The following AARS1 variants were observed in gnomAD, a reference collection of about 807,000 sequenced individuals.
The protein encoded by AARS1 is alanine--tRNA ligase, cytoplasmic.
In AARS1, 72 loss-of-function variants were observed where a neutral mutation model predicts 108.9. The observed-to-expected ratio is 0.66, with a 90% CI of 0.55 to 0.80. The LOEUF is 0.80. Among genes scored for constraint, AARS1 ranks in the 30% least tolerant of loss-of-function variants. The pLI, the probability that AARS1 is intolerant of heterozygous loss-of-function variation, is 0.00. For synonymous variants in AARS1, 489 were observed against 465.7 expected (o/e 1.05, Z -0.64); for missense variants, 1,193 against 1,233.2 (o/e 0.97, Z 0.49).
At chr16:70,286,521 C>T (rs1250765015) in intron 1 of AARS1, among the ~76,000 whole-genome samples, 2 of 152,028 alleles carry the variant, frequency 1.3e-5, no homozygotes, top group African/African-American at 4.8e-5. Flanking sequence ...CCACCAAACC[C>T]GACTAATTTT....
intron 11 of AARS1, among the ~76,000 whole-genome samples, chr16:70,262,984 A>AAAAAAAC (rs1960175401): frequency 1.4e-5 from 2 of 146,238 alleles, no homozygotes; most frequent in Non-Finnish European, 3.0e-5. Context: ...AAAAAAAAAA[A>AAAAAAAC]AAAAAAAAAA....
At chr16:70,256,710 G>C (rs1158027174) in intron 15 of AARS1, among the ~76,000 whole-genome samples, 3 of 152,090 alleles carry the variant, frequency 2.0e-5, no homozygotes, top group African/African-American at 7.2e-5. Flanking sequence ...GGGCAGAAAA[G>C]CCTTGAACTC....
At chr16:70,277,582 A>C (rs1479143939) in intron 2 of AARS1, among the ~76,000 whole-genome samples, 1 of 152,220 alleles carries the variant, frequency 6.6e-6, no homozygotes, top group Non-Finnish European at 1.5e-5. Flanking sequence ...TATTAAGGGA[A>C]TAATATCAGC....
At chr16:70,280,638 C>CCA (rs1252127980) in intron 2 of AARS1, among the ~76,000 whole-genome samples, 1 of 152,098 alleles carries the variant, frequency 6.6e-6, no homozygotes, top group African/African-American at 2.4e-5. Flanking sequence ...TCCAAGAGAA[C>CCA]CATCACAGGA....
chr16:70,260,079 G>A (rs1327422770), intron 13 of AARS1, among the ~76,000 whole-genome samples: 2 of 152,186 alleles, frequency 1.3e-5, no homozygotes, highest in Admixed American at 6.5e-5. Flanking sequence ...GCCATAAACA[G>A]GTTTATTGGA....
chr16:70,260,582 T>C (rs1318334883), intron 13 of AARS1, among the ~76,000 whole-genome samples: 1 of 152,224 alleles, frequency 6.6e-6, no homozygotes. Context: ...AGATTAACTC[T>C]TAGTTGCATC....
intron 4 of AARS1, among the ~76,000 whole-genome samples, chr16:70,274,734 G>C (rs144216759): frequency 6.6e-6 from 1 of 150,872 alleles, no homozygotes; most frequent in South Asian, 2.1e-4. Context: ...CGGCGGGGGT[G>C]GGGGAGTGGA....
chr16:70,289,498 C>A lies in AARS1; in HGVS notation c.-99G>T, dbSNP rs964671312. 6.7e-6 allele frequency: 3 copies of A among 447,296 alleles called. No homozygotes were observed. Among genetic ancestry groups the A allele is most frequent in the Non-Finnish European group, 1.4e-5 (3 of 221,606 alleles). The allele number at this position is 447,296 out of a possible 1,614,324, so 27.7% of individuals were successfully genotyped here. A position where few individuals can be genotyped will look rare whatever the true frequency, so the allele number is the denominator to read the frequency against. On this transcript the variant is annotated 5_prime_UTR_variant, in exon 1 of 21. Coordinates refer to ENST00000261772, the MANE Select transcript of AARS1 (RefSeq NM_001605.3). Reference sequence around the variant, plus strand: ...CCCGCTGCACCTATTCCCGCAGACGCGCAGCTGTACCGGCCTCAGACCACG... The same window carrying A: ...CCCGCTGCACCTATTCCCGCAGACGAGCAGCTGTACCGGCCTCAGACCACG...
At chr16:70,280,165 C>T (rs1322497487) in intron 2 of AARS1, among the ~76,000 whole-genome samples, 2 of 152,226 alleles carry the variant, frequency 1.3e-5, no homozygotes, top group South Asian at 2.1e-4. Flanking sequence ...AATCCTCTTA[C>T]TTTGGCCTCC....
intron 4 of AARS1, among the ~76,000 whole-genome samples, chr16:70,273,308 G>A (rs550309124): frequency 6.6e-5 from 10 of 152,318 alleles, no homozygotes; most frequent in Non-Finnish European, 1.3e-4. Flanking sequence ...CCCATGTTCA[G>A]ATTCTCCTTG....
At chr16:70,259,540 CG>C (rs1345962145) in intron 13 of AARS1, among the ~76,000 whole-genome samples, 1 of 152,028 alleles carries the variant, frequency 6.6e-6, no homozygotes, top group Non-Finnish European at 1.5e-5. Flanking sequence ...TAGAGTACAG[CG>C]GCGCGATTGT....
rs551363108 is a variant in AARS1 at position 70,253,581 on chromosome 16, T to G, written c.2607+133A>C. On this transcript the variant is annotated intron_variant, in intron 19 of 20. Coordinates refer to ENST00000261772, the MANE Select transcript of AARS1 (RefSeq NM_001605.3). The stretch of plus-strand genomic sequence containing the variant: ...GGTATGCCTCCCACATGCAGGGAGC[T>G]GCTGCTCCTCCCAATCTCAATCCCA... 36 of 1,157,250 alleles carry G rather than the reference T, an allele frequency of 3.1e-5. No individual in the cohort carries two copies. In the East Asian group the frequency reaches 8.0e-4, roughly 26 times the overall value. 71.7% of individuals were successfully genotyped at this position (1,157,250 alleles called of 1,614,324 possible).
intron 5 of AARS1, among the ~76,000 whole-genome samples, chr16:70,271,018 G>A (rs1035790090): frequency 1.3e-5 from 2 of 151,168 alleles, no homozygotes; most frequent in Non-Finnish European, 2.9e-5. Flanking sequence ...CTGGCATGGT[G>A]GCATGCACCT....
chr16:70,267,675 G>T lies in AARS1; in HGVS notation c.1206C>A (p.Asp402Glu). 1 of 1,614,168 alleles carries T rather than the reference G, an allele frequency of 6.2e-7. No individual in the cohort carries two copies. Residue 402 changes from aspartate to glutamate, a missense_variant, in exon 9 of 21, where the codon GAC (aspartate) becomes GAA (glutamate). Asp to Glu is a conservative substitution (Grantham distance 45). Coordinates refer to ENST00000261772, the MANE Select transcript of AARS1 (RefSeq NM_001605.3). ...ILDRKIQSLG[D>E]SKTIPGDTAW... ...GGTACCTACCGGGAATGGTCTTGCT[G>T]TCTCCCAGGCTCTGAATTTTCCTGT... is the stretch of plus-strand genomic sequence containing the variant.
At chr16:70,268,156 A>T in intron 8 of AARS1, 115 bp downstream of exon 8, 1 of 988,888 alleles carries the variant, frequency 1.0e-6, no homozygotes, top group South Asian at 1.4e-5. Flanking sequence ...TGACAGAGTG[A>T]GACTCCGTCT....
In AARS1 at chr16:70,252,573, TGA is replaced by T; in HGVS notation, c.*146_*147del. 7.0e-6 allele frequency: 6 copies of T among 858,954 alleles called. No individual in the cohort carries two copies. The highest frequency in any genetic ancestry group is 1.1e-5 in the Non-Finnish European group (6 of 537,550). 53.2% of individuals were successfully genotyped at this position (858,954 alleles called of 1,614,324 possible). ...CTCAGGGCAGAAATTTAAGGGGCACTGAGACATAGGACTGCTCCCAAGTGTGT... is the reference window on the plus strand; with the variant it reads ...CTCAGGGCAGAAATTTAAGGGGCACTGACATAGGACTGCTCCCAAGTGTGT... On this transcript the variant is annotated 3_prime_UTR_variant, in exon 21 of 21. Coordinates refer to ENST00000261772, the MANE Select transcript of AARS1 (RefSeq NM_001605.3).
Position 70,253,730 on chromosome 16 carries a change from C to T in AARS1, c.2591G>A (p.Ser864Asn). 6.2e-7 allele frequency: 1 copy of T among 1,614,044 alleles called. No homozygotes were observed. The highest frequency in any genetic ancestry group is 8.5e-7 in the Non-Finnish European group (1 of 1,180,032). ...NQPLVILEMESGASAKALNEA... is the reference protein window; with the variant it reads ...NQPLVILEMENGASAKALNEA... The stretch of plus-strand genomic sequence containing the variant: ...CTGGGTTGCCTTGGCTGAGGCGCCG[C>T]TCTCCATCTCCAGGATGACAAGAGG... The change falls in exon 19 of 21, where the codon AGC (serine) becomes AAC (asparagine). Residue 864 changes from serine (S) to asparagine (N), a missense_variant. Physicochemically the swap from Ser to Asn is conservative, Grantham distance 46. Coordinates refer to ENST00000261772, the MANE Select transcript of AARS1 (RefSeq NM_001605.3).
intron 11 of AARS1, among the ~76,000 whole-genome samples, chr16:70,263,530 C>T (rs1029666627): frequency 2.0e-5 from 3 of 151,224 alleles, no homozygotes; most frequent in Admixed American, 2.0e-4. Context: ...GAGAATGCGC[C>T]ACTGCACTCC....
In AARS1 at chr16:70,269,731, A is replaced by G. The variant is rs773866431; in HGVS notation, c.849T>C (p.Val283=). ...GTGARPYTGK[V]GAEDADGIDM... is the part of the protein sequence containing the mutation. ...CAATCCCATCGGCATCCTCAGCACC[A>G]ACTTTCCCAGTGTATGGTCGGGCAC... is the stretch of plus-strand genomic sequence containing the variant. The change falls in exon 7 of 21, where the codon GTT becomes GTC. Residue 283 remains valine, a synonymous_variant. Coordinates refer to ENST00000261772, the MANE Select transcript of AARS1 (RefSeq NM_001605.3). 147 of 1,614,044 alleles carry G rather than the reference A, an allele frequency of 9.1e-5. No homozygotes were observed. The highest frequency in any genetic ancestry group is 1.2e-4 in the Non-Finnish European group (143 of 1,180,042).
Sources: gnomAD v4.1 joint callset for allele counts (sites outside exome capture counted in the v4.1 genomes callset) on GRCh38, gnomAD v4.1.1 for gene constraint, MANE v1.5 for transcripts, NCBI Gene and HGNC (gene_info 2026-07-23, HGNC 2026-07-21) for gene names.